CTNND2: variants seen among roughly 807,000 people sequenced by gnomAD.
CTNND2 encodes the protein catenin delta-2.
CTNND2 carries 22 observed loss-of-function variants against 144.4 expected under a neutral mutation model. That is an observed-to-expected ratio of 0.15 (90% confidence interval 0.11 to 0.22). CTNND2 has a LOEUF of 0.22. Ranked by LOEUF, CTNND2 falls within the 10% of genes least tolerant of loss-of-function variation. The pLI is 1.00. For missense variants in CTNND2, 1,353 were observed against 1,618.8 expected (o/e 0.84, Z 2.82); for synonymous variants, 751 against 695.6 (o/e 1.08, Z -1.25).
At chr5:11,846,743 T>C (rs186389601) in intron 1 of CTNND2, among the ~76,000 whole-genome samples, 7 of 151,938 alleles carry the variant, frequency 4.6e-5, no homozygotes, top group African/African-American at 1.7e-4. Flanking sequence ...AACAATTCAA[T>C]AGCAAAAATA....
chr5:11,115,538 A>G (rs1213943384), intron 13 of CTNND2, among the ~76,000 whole-genome samples: 2 of 152,224 alleles, frequency 1.3e-5, no homozygotes, highest in Admixed American at 6.5e-5. Flanking sequence ...GCTAACAAGC[A>G]CTTGTAAATA....
intron 9 of CTNND2, among the ~76,000 whole-genome samples, chr5:11,276,521 C>G (rs1746544189): frequency 6.6e-6 from 1 of 152,098 alleles, no homozygotes; most frequent in South Asian, 2.1e-4. Context: ...TCTTCTTTAC[C>G]TTCACTCACT....
intron 2 of CTNND2, among the ~76,000 whole-genome samples, chr5:11,642,553 G>A (rs547267074): frequency 3.3e-4 from 50 of 152,282 alleles, no homozygotes; most frequent in African/African-American, 1.2e-3. Flanking sequence ...CAAGGCACAG[G>A]AAGCAGCAGT....
At chr5:11,244,053 G>A (rs1237741129) in intron 9 of CTNND2, among the ~76,000 whole-genome samples, 2 of 152,152 alleles carry the variant, frequency 1.3e-5, no homozygotes, top group African/African-American at 2.4e-5. Context: ...TTAGAGTCAA[G>A]AGGAAGTAGG....
At chr5:11,353,620 T>C (rs924605685) in intron 8 of CTNND2, among the ~76,000 whole-genome samples, 8 of 151,980 alleles carry the variant, frequency 5.3e-5, no homozygotes, top group African/African-American at 1.9e-4. Flanking sequence ...CTGGGCAACA[T>C]GGAGAAACCC....
intron 3 of CTNND2, among the ~76,000 whole-genome samples, chr5:11,440,771 A>G (rs1044308744): frequency 1.3e-5 from 2 of 152,216 alleles, no homozygotes; most frequent in African/African-American, 2.4e-5. Context: ...AATCTAATGT[A>G]TGAAGAAATA....
At chr5:11,249,094 C>T (rs32064) in intron 9 of CTNND2, among the ~76,000 whole-genome samples, 71,526 of 152,020 alleles carry the variant, frequency 0.47, 17,095 homozygotes, top group African/African-American at 0.51. Flanking sequence ...TTGTAGTGGG[C>T]AACACAGTGG....
chr5:11,002,012 T>C (rs1221880038), intron 18 of CTNND2, among the ~76,000 whole-genome samples: 1 of 152,212 alleles, frequency 6.6e-6, no homozygotes, highest in East Asian at 1.9e-4. Flanking sequence ...CAGAAGAAGA[T>C]ACAGGTACCT....
chr5:11,603,430 A>T (rs1195133512), intron 2 of CTNND2, among the ~76,000 whole-genome samples: 1 of 152,158 alleles, frequency 6.6e-6, no homozygotes, highest in African/African-American at 2.4e-5. Context: ...TGTCACCGTC[A>T]GGACCTCACG....
intron 9 of CTNND2, among the ~76,000 whole-genome samples, chr5:11,270,487 A>G (rs538902681): frequency 6.8e-6 from 1 of 147,946 alleles, no homozygotes; most frequent in African/African-American, 2.5e-5. Flanking sequence ...AAAAAAAAAA[A>G]TCCATTCACT....
chr5:11,660,493 G>C (rs1783139948), intron 2 of CTNND2, among the ~76,000 whole-genome samples: 1 of 152,114 alleles, frequency 6.6e-6, no homozygotes, highest in Non-Finnish European at 1.5e-5. Context: ...GAAATGACCA[G>C]TAGATGCCTA....
intron 8 of CTNND2, among the ~76,000 whole-genome samples, chr5:11,361,639 A>T (rs1228688656): frequency 6.6e-6 from 1 of 152,212 alleles, no homozygotes; most frequent in East Asian, 1.9e-4. Flanking sequence ...CCCTGGAAGA[A>T]GTTACAAGCT....
chr5:11,586,232 A>G (rs1778853979), intron 2 of CTNND2, among the ~76,000 whole-genome samples: 1 of 152,186 alleles, frequency 6.6e-6, no homozygotes, highest in African/African-American at 2.4e-5. Context: ...CATATAAGCT[A>G]TCTCACTGTT....
intron 3 of CTNND2, among the ~76,000 whole-genome samples, chr5:11,514,349 A>C (rs1771953817): frequency 6.6e-6 from 1 of 152,214 alleles, no homozygotes; most frequent in African/African-American, 2.4e-5. Context: ...GTTTAAAAAA[A>C]TAATGTTCTA....
intron 16 of CTNND2, among the ~76,000 whole-genome samples, chr5:11,044,525 G>A (rs949822408): frequency 1.0e-4 from 11 of 107,872 alleles, no homozygotes; most frequent in Non-Finnish European, 1.4e-4. Flanking sequence ...AACAACACAT[G>A]CTTGCAAAAA....
At chr5:11,533,067 G>A (rs750356956) in intron 3 of CTNND2, among the ~76,000 whole-genome samples, 7 of 152,332 alleles carry the variant, frequency 4.6e-5, no homozygotes, top group East Asian at 1.9e-4. Flanking sequence ...AGCCCAGGGG[G>A]CGGAGAAGAG....
At chr5:11,636,719 C>A (rs1781726260) in intron 2 of CTNND2, among the ~76,000 whole-genome samples, 1 of 152,192 alleles carries the variant, frequency 6.6e-6, no homozygotes, top group Non-Finnish European at 1.5e-5. Context: ...AGTGTGTCAT[C>A]TTGGCAGCCA....
intron 3 of CTNND2, among the ~76,000 whole-genome samples, chr5:11,479,446 G>A (rs938625273): frequency 1.3e-5 from 2 of 152,140 alleles, no homozygotes; most frequent in African/African-American, 4.8e-5. Context: ...TGTGAATAGT[G>A]CTGCAATGAA....
chr5:11,290,588 T>A (rs1395537237), intron 9 of CTNND2, among the ~76,000 whole-genome samples: 1 of 152,168 alleles, frequency 6.6e-6, no homozygotes, highest in Non-Finnish European at 1.5e-5. Flanking sequence ...GAACAAATGA[T>A]CCTGAATGCA....
Sources: allele counts gnomAD v4.1 joint callset (sites outside exome capture counted in the v4.1 genomes callset), GRCh38; gene constraint gnomAD v4.1.1; transcripts MANE v1.5; gene names NCBI Gene and HGNC (gene_info 2026-07-23, HGNC 2026-07-21).